The following ANK3 variants were observed in gnomAD, a reference collection of about 807,000 sequenced individuals.
The protein encoded by ANK3 is ankyrin-3.
ANK3 carries 57 observed loss-of-function variants against 370.9 expected under a neutral mutation model. That is an observed-to-expected ratio of 0.15 (90% CI 0.12 to 0.19). The LOEUF is 0.19. ANK3 is among the 10% of genes least tolerant of loss of function. The pLI, the probability that ANK3 is intolerant of heterozygous loss-of-function variation, is 1.00. For synonymous variants in ANK3, 1,929 were observed against 1,946.3 expected (o/e 0.99, Z 0.23); for missense variants, 4,439 against 5,302.1 (o/e 0.84, Z 5.06).
intron 8 of ANK3, among the ~76,000 whole-genome samples, chr10:60,222,945 C>T (rs2097086741): frequency 6.6e-6 from 1 of 152,122 alleles, no homozygotes; most frequent in African/African-American, 2.4e-5. Flanking sequence ...TTTTGGGGGA[C>T]CTGTAACTTT....
chr10:60,438,192 G>T (rs10821765), intron 2 of ANK3, among the ~76,000 whole-genome samples: 54,793 of 151,352 alleles, frequency 0.36, 10,203 homozygotes, highest in South Asian at 0.42. Context: ...AATACACCAG[G>T]TTGCTCTTGC....
At chr10:60,227,595 G>A (rs1565831305) in intron 8 of ANK3, among the ~76,000 whole-genome samples, 2 of 152,066 alleles carry the variant, frequency 1.3e-5, no homozygotes, top group South Asian at 4.1e-4. Flanking sequence ...ACATAGCAGT[G>A]TATTTTATTT....
intron 16 of ANK3, among the ~76,000 whole-genome samples, chr10:60,189,843 A>G (rs1419168079): frequency 2.6e-5 from 4 of 152,242 alleles, no homozygotes; most frequent in African/African-American, 9.6e-5. Context: ...GAAATTATCA[A>G]AAGTAATATA....
intron 2 of ANK3, among the ~76,000 whole-genome samples, chr10:60,491,726 C>T (rs1029866331): frequency 5.9e-5 from 9 of 152,212 alleles, no homozygotes; most frequent in South Asian, 2.1e-4. Context: ...AGACACAGTA[C>T]GGTGTAGTGC....
At chr10:60,037,084 A>G (rs1263275763) in intron 43 of ANK3, among the ~76,000 whole-genome samples, 1 of 152,162 alleles carries the variant, frequency 6.6e-6, no homozygotes, top group African/African-American at 2.4e-5. Flanking sequence ...TTTTGACTCA[A>G]TGATTCTTCT....
At chr10:60,595,437 T>C (rs1438038545) in intron 2 of ANK3, among the ~76,000 whole-genome samples, 1 of 152,118 alleles carries the variant, frequency 6.6e-6, no homozygotes, top group Non-Finnish European at 1.5e-5. Flanking sequence ...AGTCAGTTCC[T>C]GGTTGGGGCC....
chr10:60,591,333 T>TTATG (rs1402262522), intron 2 of ANK3, among the ~76,000 whole-genome samples: 3 of 150,330 alleles, frequency 2.0e-5, no homozygotes, highest in Non-Finnish European at 4.4e-5. Flanking sequence ...ATTTATTTAT[T>TTATG]TATTTATTTA....
intron 1 of ANK3, among the ~76,000 whole-genome samples, chr10:60,292,910 G>C (rs1178999129): frequency 2.0e-5 from 3 of 152,042 alleles, no homozygotes; most frequent in Non-Finnish European, 2.9e-5. Context: ...GTTTCACCAC[G>C]TTGGCCAGGC....
intron 1 of ANK3, among the ~76,000 whole-genome samples, chr10:60,686,872 T>C (rs1243037241): frequency 6.6e-6 from 1 of 152,180 alleles, no homozygotes; most frequent in African/African-American, 2.4e-5. Context: ...TCATGCACCC[T>C]GCAAAATAGA....
chr10:60,030,768 C>T (rs1172435349), intron 43 of ANK3, among the ~76,000 whole-genome samples: 1 of 152,168 alleles, frequency 6.6e-6, no homozygotes, highest in African/African-American at 2.4e-5. Context: ...GGCAATACAC[C>T]TTTCTCCTGC....
chr10:60,068,039 A>G (rs1385989687), intron 37 of ANK3, 30 bp from the exon 38 acceptor site: 3 of 1,583,418 alleles, frequency 1.9e-6, no homozygotes, highest in Non-Finnish European at 2.6e-6. Flanking sequence ...AATTAAAATA[A>G]TCATCAAGAA....
chr10:60,351,263 A>T (rs2056811133), intron 1 of ANK3, among the ~76,000 whole-genome samples: 1 of 152,198 alleles, frequency 6.6e-6, no homozygotes, highest in Admixed American at 6.5e-5. Context: ...CAGACTGGGA[A>T]AGTTTTTCTT....
intron 8 of ANK3, among the ~76,000 whole-genome samples, chr10:60,218,108 T>A (rs947577777): frequency 2.7e-5 from 4 of 149,676 alleles, no homozygotes; most frequent in African/African-American, 9.8e-5. Context: ...TTTTTTTTTT[T>A]TTTTTTTTTG....
At chr10:60,714,436 C>T (rs2079753609) in intron 1 of ANK3, among the ~76,000 whole-genome samples, 1 of 152,090 alleles carries the variant, frequency 6.6e-6, no homozygotes, top group Non-Finnish European at 1.5e-5. Context: ...AAAGACATTA[C>T]AAGAAAGAAA....
intron 1 of ANK3, among the ~76,000 whole-genome samples, chr10:60,624,309 A>C (rs2078379028): frequency 6.6e-6 from 1 of 152,174 alleles, no homozygotes; most frequent in Non-Finnish European, 1.5e-5. Flanking sequence ...ATAAAGTACA[A>C]AGTATTTTTA....
chr10:60,537,972 A>G (rs1022128870), intron 2 of ANK3, among the ~76,000 whole-genome samples: 2 of 151,978 alleles, frequency 1.3e-5, no homozygotes, highest in African/African-American at 4.8e-5. Context: ...TTTAAAATGT[A>G]TTAGTGTAAT....
intron 2 of ANK3, among the ~76,000 whole-genome samples, chr10:60,588,787 A>G (rs977185127): frequency 1.3e-5 from 2 of 152,028 alleles, no homozygotes; most frequent in Admixed American, 1.3e-4. Flanking sequence ...GTGCATGCCT[A>G]TAGTCCCAGC....
At chr10:60,191,992 T>C (rs918736112) in intron 16 of ANK3, among the ~76,000 whole-genome samples, 3 of 152,286 alleles carry the variant, frequency 2.0e-5, no homozygotes, top group Admixed American at 1.3e-4. Context: ...CACTGCATCC[T>C]CTGCCTCCCG....
intron 1 of ANK3, among the ~76,000 whole-genome samples, chr10:60,694,579 TG>T (rs1173280251): frequency 6.6e-6 from 1 of 151,136 alleles, no homozygotes; most frequent in East Asian, 2.0e-4. Context: ...CAGAAGAGAG[TG>T]GGGGCCAATA....
Sources: allele counts gnomAD v4.1 joint callset (sites outside exome capture counted in the v4.1 genomes callset), GRCh38; gene constraint gnomAD v4.1.1; transcripts MANE v1.5; gene names NCBI Gene and HGNC (gene_info 2026-07-23, HGNC 2026-07-21).